TBX15: variants seen among roughly 807,000 people sequenced by gnomAD.
TBX15 encodes the protein T-box transcription factor 15, also known as T-box transcription factor TBX15.
A neutral mutation model predicts 53.9 loss-of-function variants in TBX15; 18 were observed. The observed-to-expected ratio is 0.33, with a 90% CI of 0.23 to 0.49. The LOEUF is 0.49. TBX15 is among the 20% of genes least tolerant of loss of function. The pLI is 0.98. For synonymous variants in TBX15, 295 were observed against 278.0 expected (o/e 1.06, Z -0.61); for missense variants, 692 against 749.5 (o/e 0.92, Z 0.90).
chr1:118,966,912 G>A (rs1657051563), intron 1 of TBX15, among the ~76,000 whole-genome samples: 1 of 152,212 alleles, frequency 6.6e-6, no homozygotes, highest in South Asian at 2.1e-4. Flanking sequence ...CCAGTGATTT[G>A]ACTAAATTTT....
chr1:118,925,266 T>C (rs931802225), intron 3 of TBX15, among the ~76,000 whole-genome samples: 22 of 152,218 alleles, frequency 1.4e-4, no homozygotes, highest in Non-Finnish European at 2.9e-4. Context: ...TTGTTCCTTA[T>C]TAAAAACATC....
chr1:118,913,231 A>G (rs1655077983), intron 6 of TBX15, among the ~76,000 whole-genome samples: 1 of 130,788 alleles, frequency 7.6e-6, no homozygotes, highest in South Asian at 2.5e-4. Flanking sequence ...CCCTCAAACT[A>G]TAAAAAAAAA....
intron 1 of TBX15, among the ~76,000 whole-genome samples, chr1:118,947,275 C>G (rs1469220025): frequency 6.6e-6 from 1 of 152,228 alleles, no homozygotes; most frequent in African/African-American, 2.4e-5. Context: ...CCAAGAACCT[C>G]CTGGTCCTCC....
intron 1 of TBX15, among the ~76,000 whole-genome samples, chr1:118,979,872 C>T (rs1657588967): frequency 1.3e-5 from 2 of 152,168 alleles, no homozygotes; most frequent in African/African-American, 4.8e-5. Flanking sequence ...GCGCGGAGCC[C>T]CAGGCGCGAG....
chr1:118,919,267 G>A (rs1401488559), intron 5 of TBX15, among the ~76,000 whole-genome samples: 2 of 152,172 alleles, frequency 1.3e-5, no homozygotes, highest in Non-Finnish European at 2.9e-5. Context: ...GAAATTTCTT[G>A]CTAATTCTGT....
At chr1:118,911,293 T>C (rs1399596938) in intron 6 of TBX15, among the ~76,000 whole-genome samples, 4 of 152,218 alleles carry the variant, frequency 2.6e-5, no homozygotes, top group Non-Finnish European at 5.9e-5. Context: ...AAATTTCTGA[T>C]AGTACTTAAA....
chr1:118,918,327 T>G (rs778420720), intron 5 of TBX15, among the ~76,000 whole-genome samples: 1 of 152,182 alleles, frequency 6.6e-6, no homozygotes, highest in Non-Finnish European at 1.5e-5. Flanking sequence ...TAGTGTGACA[T>G]GCTCATTGAA....
chr1:118,953,948 T>C (rs1656600791), intron 1 of TBX15, among the ~76,000 whole-genome samples: 1 of 152,208 alleles, frequency 6.6e-6, no homozygotes, highest in Admixed American at 6.5e-5. Flanking sequence ...CCTTCTAAGT[T>C]CTTATAACCA....
intron 1 of TBX15, among the ~76,000 whole-genome samples, chr1:118,970,750 A>ACCC (rs1657210897): frequency 6.6e-6 from 1 of 151,206 alleles, no homozygotes; most frequent in African/African-American, 2.4e-5. Flanking sequence ...CATATTTCTC[A>ACCC]CCCCTCCATT....
intron 1 of TBX15, among the ~76,000 whole-genome samples, chr1:118,982,827 G>T (rs1021519383): frequency 6.6e-6 from 1 of 152,080 alleles, no homozygotes; most frequent in Non-Finnish European, 1.5e-5. Context: ...CTGCATGAAG[G>T]TTGCCCCCAT....
intron 3 of TBX15, among the ~76,000 whole-genome samples, chr1:118,925,875 G>T (rs1315126484): frequency 1.3e-5 from 2 of 150,888 alleles, no homozygotes; most frequent in Non-Finnish European, 2.9e-5. Flanking sequence ...TTACTGATTT[G>T]AGTGAGACCT....
intron 1 of TBX15, among the ~76,000 whole-genome samples, chr1:118,962,422 G>T (rs1010378487): frequency 2.6e-5 from 4 of 151,826 alleles, no homozygotes; most frequent in Non-Finnish European, 4.4e-5. Context: ...AAGTAAAGCA[G>T]GCTACTTACT....
At chr1:118,981,030 A>C (rs557547381) in intron 1 of TBX15, among the ~76,000 whole-genome samples, 1 of 152,110 alleles carries the variant, frequency 6.6e-6, no homozygotes, top group South Asian at 2.1e-4. Flanking sequence ...ATGGGGTTTC[A>C]CCATCTTGGC....
intron 1 of TBX15, among the ~76,000 whole-genome samples, chr1:118,970,420 C>T (rs777108542): frequency 3.9e-5 from 6 of 152,136 alleles, no homozygotes; most frequent in Non-Finnish European, 8.8e-5. Context: ...TCAAGGAGAC[C>T]TTTATCTTCT....
intron 1 of TBX15, among the ~76,000 whole-genome samples, chr1:118,963,381 C>A (rs1656939824): frequency 6.6e-6 from 1 of 152,234 alleles, no homozygotes; most frequent in South Asian, 2.1e-4. Context: ...TGCATTACTG[C>A]TTACCTGGAC....
chr1:118,938,649 C>G (rs1253837787), intron 1 of TBX15, among the ~76,000 whole-genome samples: 2 of 152,194 alleles, frequency 1.3e-5, no homozygotes, highest in African/African-American at 4.8e-5. Flanking sequence ...TCTCCACAGC[C>G]TTGCTAGCAT....
chr1:118,925,822 G>T (rs1655577940), intron 3 of TBX15, among the ~76,000 whole-genome samples: 1 of 152,144 alleles, frequency 6.6e-6, no homozygotes, highest in South Asian at 2.1e-4. Flanking sequence ...TGGGTTTAGG[G>T]CCAAGTTGTT....
At chr1:118,911,455 C>A (rs2101554939) in intron 6 of TBX15, among the ~76,000 whole-genome samples, 1 of 152,312 alleles carries the variant, frequency 6.6e-6, no homozygotes, top group South Asian at 2.1e-4. Flanking sequence ...GAAGGACACA[C>A]ACATAACTGT....
intron 6 of TBX15, among the ~76,000 whole-genome samples, chr1:118,909,116 C>CAGG (rs1182077945): frequency 6.6e-6 from 1 of 152,216 alleles, no homozygotes; most frequent in Non-Finnish European, 1.5e-5. Flanking sequence ...GGTGGCACCA[C>CAGG]AGGACTGAAA....
Sources: allele counts gnomAD v4.1 joint callset (sites outside exome capture counted in the v4.1 genomes callset), GRCh38; gene constraint gnomAD v4.1.1; transcripts MANE v1.5; gene names NCBI Gene and HGNC (gene_info 2026-07-23, HGNC 2026-07-21).